Variants in REEP5 observed in about 807,000 individuals in gnomAD.
The protein encoded by REEP5 is receptor accessory protein 5, also known as receptor expression-enhancing protein 5.
A neutral mutation model predicts 22.4 loss-of-function variants in REEP5; 24 were observed. That is an observed-to-expected ratio of 1.07 (90% CI 0.78 to 1.51). The LOEUF (loss-of-function observed/expected upper bound fraction) is 1.51, where lower values mean the gene tolerates loss of function less well. REEP5 is among the 40% of genes most tolerant of loss of function. The pLI is 0.00. For missense variants in REEP5, 252 were observed against 233.0 expected (o/e 1.08, Z -0.53); for synonymous variants, 103 against 88.6 (o/e 1.16, Z -0.92).
chr5:112,906,274 A>G (rs1439951945), intron 2 of REEP5, among the ~76,000 whole-genome samples: 1 of 152,248 alleles, frequency 6.6e-6, no homozygotes, highest in East Asian at 1.9e-4. Flanking sequence ...CAGGGCACCC[A>G]GCTACAAGTA....
In REEP5 at chr5:112,922,204, T is replaced by G; in HGVS notation, c.-14A>C. 6.2e-7 allele frequency: 1 copy of G among 1,602,096 alleles called. No individual in the cohort carries two copies. The highest frequency in any genetic ancestry group is 8.5e-7 in the Non-Finnish European group (1 of 1,174,536). On this transcript the variant is annotated 5_prime_UTR_variant, in exon 1 of 5. Transcript: ENST00000379638. ...GGCCGCAGACATGGCGGGGACCGTC[T>G]CGCCGCTCGGGGCTGTTCCTAGTGC... is the stretch of plus-strand genomic sequence containing the variant.
At chr5:112,893,106 A>T (rs761785097) in intron 3 of REEP5, 1 of 1,068,800 alleles carries the variant, frequency 9.4e-7, no homozygotes, top group Non-Finnish European at 1.3e-6. Flanking sequence ...AAAAAAAAAA[A>T]AAAAAAAAAA....
intron 3 of REEP5, 85 bp from the exon 4 acceptor site, chr5:112,887,268 G>A (rs1169664962): frequency 3.2e-6 from 4 of 1,249,434 alleles, no homozygotes; most frequent in East Asian, 5.3e-5. Context: ...ACTACTCTGG[G>A]GATGGGAGAT....
intron 2 of REEP5, 48 bp downstream of exon 2, chr5:112,921,115 G>A (rs756752104): frequency 6.4e-7 from 1 of 1,563,498 alleles, no homozygotes; most frequent in East Asian, 2.2e-5. Flanking sequence ...AGCCCTGCGG[G>A]GAGGAATGGA....
At chr5:112,893,116 AAG>A (rs1178100175) in intron 3 of REEP5, 5 of 809,830 alleles carry the variant, frequency 6.2e-6, no homozygotes, top group Non-Finnish European at 9.1e-6. Flanking sequence ...AAAAAAAAAA[AAG>A]AATGGACCAG....
chr5:112,894,471 A>G (rs1286451930), intron 3 of REEP5: 1 of 152,188 alleles, frequency 6.6e-6, no homozygotes, highest in Non-Finnish European at 1.5e-5. Context: ...AGTTGCTTAT[A>G]TAGGAAAAGC....
At chr5:112,891,465 TA>T in intron 3 of REEP5, 1 of 814,196 alleles carries the variant, frequency 1.2e-6, no homozygotes, top group Non-Finnish European at 1.8e-6. Context: ...AACTGCAATA[TA>T]AAGGAGAAAC....
chr5:112,888,326 C>T (rs759680148), intron 3 of REEP5, among the ~76,000 whole-genome samples: 1 of 152,206 alleles, frequency 6.6e-6, no homozygotes. Context: ...GCACAAATAG[C>T]TCACTCCATC....
At chr5:112,917,101 T>C (rs1769247944) in intron 2 of REEP5, among the ~76,000 whole-genome samples, 1 of 152,362 alleles carries the variant, frequency 6.6e-6, no homozygotes, top group East Asian at 1.9e-4. Context: ...AAAAGTGTTG[T>C]TAAAGATTAA....
chr5:112,890,744 A>G (rs1768413580), intron 3 of REEP5, among the ~76,000 whole-genome samples: 1 of 150,784 alleles, frequency 6.6e-6, no homozygotes, highest in Non-Finnish European at 1.5e-5. Context: ...AAGAGTTAAT[A>G]TAGTATATAG....
chr5:112,891,443 C>T (rs540236642), intron 3 of REEP5, among the ~76,000 whole-genome samples: 1 of 151,694 alleles, frequency 6.6e-6, no homozygotes, highest in Non-Finnish European at 1.5e-5. Context: ...TACTTAATTA[C>T]AAAAAAAGTC....
Position 112,876,906 on chromosome 5 carries a change from C to T in REEP5, c.*1880G>A, listed in dbSNP as rs1007599554. ...TGTAAGTCATTATGAGCAATAGTAA[C>T]TTTTGTACCTCCTCATCTTGTCTGA... On this transcript the variant is annotated 3_prime_UTR_variant, in exon 5 of 5. Transcript: ENST00000379638. The T allele has an allele frequency of 6.6e-6, 1 of 151,928 alleles. No homozygotes were observed. Among genetic ancestry groups the T allele is most frequent in the Non-Finnish European group, 1.5e-5 (1 of 67,952 alleles). 9.4% of individuals were successfully genotyped at this position (151,928 alleles called of 1,614,324 possible).
In REEP5 at chr5:112,878,735, A is replaced by G; in HGVS notation, c.*51T>C. ...TACCACAGTCCCTAATATAACATCA[A>G]GCTCCAGTAGGAAGGTACAGAGAGG... On this transcript the variant is annotated 3_prime_UTR_variant, in exon 5 of 5. Transcript: ENST00000379638. 6.2e-7 allele frequency: 1 copy of G among 1,606,790 alleles called. No individual in the cohort carries two copies. The highest frequency in any genetic ancestry group is 8.5e-7 in the Non-Finnish European group (1 of 1,177,796).
chr5:112,892,447 C>T (rs1212604149), intron 3 of REEP5: 1 of 1,614,028 alleles, frequency 6.2e-7, no homozygotes, highest in Non-Finnish European at 8.5e-7. Flanking sequence ...TTTGGAACCT[C>T]ACCTGAGGGG....
At chr5:112,885,844 A>C (rs939614447) in intron 4 of REEP5, 19 of 198,470 alleles carry the variant, frequency 9.6e-5, no homozygotes, top group Non-Finnish European at 8.6e-5. Context: ...TCAGCCTTTT[A>C]GAGAATGATC....
chr5:112,891,662 C>G, intron 3 of REEP5: 1 of 1,611,652 alleles, frequency 6.2e-7, no homozygotes, highest in African/African-American at 1.3e-5. Flanking sequence ...GAGAAGATGA[C>G]GTTTCCCAAG....
chr5:112,904,020 C>A (rs1768901633), intron 2 of REEP5, among the ~76,000 whole-genome samples: 1 of 152,148 alleles, frequency 6.6e-6, no homozygotes, highest in Non-Finnish European at 1.5e-5. Flanking sequence ...TTAGTAGAGA[C>A]AAGGTCTCAC....
intron 2 of REEP5, among the ~76,000 whole-genome samples, chr5:112,915,875 C>T (rs1174373091): frequency 9.0e-6 from 1 of 111,714 alleles, no homozygotes; most frequent in Non-Finnish European, 1.7e-5. Context: ...AACATAATTA[C>T]AATTTAAAAA....
intron 2 of REEP5, among the ~76,000 whole-genome samples, chr5:112,903,588 A>G (rs1409815359): frequency 1.3e-5 from 2 of 152,196 alleles, no homozygotes; most frequent in Non-Finnish European, 2.9e-5. Flanking sequence ...GAAATAAAAA[A>G]TTTTCAAAAA....
Sources: allele counts gnomAD v4.1 joint callset (sites outside exome capture counted in the v4.1 genomes callset), GRCh38; gene constraint gnomAD v4.1.1; transcripts MANE v1.5; gene names NCBI Gene and HGNC (gene_info 2026-07-23, HGNC 2026-07-21).